The following NME7 variants were observed in gnomAD, a reference collection of about 807,000 sequenced individuals.
NME7 encodes nucleoside diphosphate kinase 7.
A neutral mutation model predicts 49.1 loss-of-function variants in NME7; 41 were observed. The observed-to-expected ratio is 0.83, with a 90% CI of 0.65 to 1.08. The LOEUF (loss-of-function observed/expected upper bound fraction) is 1.08. Among genes scored for constraint, NME7 ranks in the 50% least tolerant of loss-of-function variants. The pLI is 0.00. For synonymous variants in NME7, 139 were observed against 150.6 expected (o/e 0.92, Z 0.56); for missense variants, 423 against 463.4 (o/e 0.91, Z 0.80).
At chr1:169,210,574 C>T (rs1322919063) in intron 10 of NME7, among the ~76,000 whole-genome samples, 3 of 146,260 alleles carry the variant, frequency 2.1e-5, no homozygotes, top group Non-Finnish European at 3.0e-5. Flanking sequence ...TAGAACAAAT[C>T]ATTCATAATA....
chr1:169,363,581 A>T (rs1025038999), intron 1 of NME7, among the ~76,000 whole-genome samples: 6 of 152,112 alleles, frequency 3.9e-5, no homozygotes, highest in Non-Finnish European at 8.8e-5. Flanking sequence ...ACCACATTTC[A>T]TGGTATTTTG....
At chr1:169,175,113 T>C (rs780441235) in intron 10 of NME7, among the ~76,000 whole-genome samples, 9 of 152,138 alleles carry the variant, frequency 5.9e-5, no homozygotes, top group Admixed American at 2.6e-4. Context: ...ATAAGCTTTT[T>C]CTATTTTTTA....
intron 10 of NME7, among the ~76,000 whole-genome samples, chr1:169,217,965 C>G (rs1285305315): frequency 6.6e-6 from 1 of 152,114 alleles, no homozygotes; most frequent in African/African-American, 2.4e-5. Flanking sequence ...CCCACACCAC[C>G]ACCACCCAAA....
At chr1:169,235,743 G>A (rs773420132) in intron 8 of NME7, among the ~76,000 whole-genome samples, 1 of 151,966 alleles carries the variant, frequency 6.6e-6, no homozygotes, top group Non-Finnish European at 1.5e-5. Context: ...CCAAGCATTC[G>A]GAAAAATCCC....
In NME7 at chr1:169,299,870, A is replaced by T. The variant is rs190604585; in HGVS notation, c.441-1107T>A. 5.3e-5 allele frequency among the ~76,000 whole-genome samples: 8 copies of T among 152,238 alleles called. No homozygotes were observed. In the East Asian group the frequency reaches 1.2e-3, roughly 22 times the overall value. On this transcript the variant is annotated intron_variant, in intron 5 of 11. Coordinates refer to ENST00000367811, the MANE Select transcript of NME7 (RefSeq NM_013330.5). ...ACCCCCAAGACCAACCACTAGATTT[A>T]AAAAAACCCAAATCAAAGGAGCAAA...
chr1:169,280,436 G>A (rs1649958938), intron 7 of NME7, among the ~76,000 whole-genome samples: 1 of 151,796 alleles, frequency 6.6e-6, no homozygotes, highest in Admixed American at 6.6e-5. Flanking sequence ...AGTTTCTTTT[G>A]CTGTGCAGAA....
At chr1:169,356,779 C>T (rs1022904679) in intron 1 of NME7, among the ~76,000 whole-genome samples, 1 of 152,148 alleles carries the variant, frequency 6.6e-6, no homozygotes, top group Non-Finnish European at 1.5e-5. Flanking sequence ...GAGTTTCCTA[C>T]TTCATTTCCA....
Position 169,272,765 on chromosome 1 carries a change from T to C in NME7, c.754+14538A>G, listed in dbSNP as rs1165534242. On this transcript the variant is annotated intron_variant, in intron 7 of 11. Transcript: ENST00000367811. ...GTGCTGCAATGAACATACACGTGCA[T>C]GTATTTTTATAATAGAACGATTTAC... is the stretch of plus-strand genomic sequence containing the variant. Among the ~76,000 whole-genome samples the C allele has an allele frequency of 2.3e-5, 3 of 132,100 alleles. 1 individual carries two copies. The highest frequency in any genetic ancestry group is 7.5e-5 in the Admixed American group (1 of 13,344). 86.7% of individuals were successfully genotyped at this position (132,100 alleles called of 152,430 possible).
intron 1 of NME7, among the ~76,000 whole-genome samples, chr1:169,332,125 T>C (rs1028100792): frequency 2.0e-5 from 3 of 151,944 alleles, no homozygotes; most frequent in Admixed American, 6.6e-5. Flanking sequence ...AACAGACACA[T>C]AGACCAATGG....
At chr1:169,288,734 A>G (rs1337985309) in intron 6 of NME7, among the ~76,000 whole-genome samples, 1 of 152,168 alleles carries the variant, frequency 6.6e-6, no homozygotes, top group African/African-American at 2.4e-5. Flanking sequence ...CTGCCTTTCT[A>G]TCATATTGCT....
chr1:169,335,132 T>C (rs1484765579), intron 1 of NME7, among the ~76,000 whole-genome samples: 1 of 152,220 alleles, frequency 6.6e-6, no homozygotes, highest in Non-Finnish European at 1.5e-5. Flanking sequence ...AGTTCAGCCA[T>C]TGTGGAAGAC....
chr1:169,223,668 C>G (rs943773940), intron 10 of NME7, among the ~76,000 whole-genome samples: 2 of 152,048 alleles, frequency 1.3e-5, no homozygotes, highest in South Asian at 4.1e-4. Context: ...TGCCATTTCA[C>G]TTCTCTGAGG....
rs142055809 is a variant in NME7, at chr1:169,325,297, C to T, written c.4-797G>A. 4.6e-3 allele frequency among the ~76,000 whole-genome samples: 707 copies of T among 152,148 alleles called. 6 individuals carry two copies. Among genetic ancestry groups the T allele is most frequent in the Admixed American group, 7.7e-3 (118 of 15,290 alleles). On this transcript the variant is annotated intron_variant, in intron 1 of 11. Coordinates refer to ENST00000367811, the MANE Select transcript of NME7 (RefSeq NM_013330.5). ...GTGACTCCCAAGGACAGGGAGGGGC[C>T]AGCTTTAGTATCCCTGCTCCTCTCA...
At chr1:169,169,959 C>A (rs1347373028) in intron 10 of NME7, among the ~76,000 whole-genome samples, 1 of 151,944 alleles carries the variant, frequency 6.6e-6, no homozygotes, top group Non-Finnish European at 1.5e-5. Context: ...TCACAAATAG[C>A]CCTGAATTTA....
At chr1:169,224,770 G>A (rs1322495568) in intron 10 of NME7, among the ~76,000 whole-genome samples, 1 of 151,956 alleles carries the variant, frequency 6.6e-6, no homozygotes, top group Non-Finnish European at 1.5e-5. Flanking sequence ...TTCCACATTC[G>A]AGGTACTCTG....
intron 6 of NME7, among the ~76,000 whole-genome samples, chr1:169,289,740 T>C (rs1242906806): frequency 6.6e-6 from 1 of 152,146 alleles, no homozygotes; most frequent in East Asian, 1.9e-4. Flanking sequence ...TCAAGTACCA[T>C]ATTTACCTAT....
rs1198075936 is a variant in NME7, at chr1:169,262,652, A to T, written c.754+24651T>A. ...GCACCAGTCTGTCGGGGCTCAGTGC[A>T]GAGCCAGGAAAACCTCTTCAACACG... On this transcript the variant is annotated intron_variant, in intron 7 of 11. Transcript: ENST00000367811. 1.5e-5 allele frequency among the ~76,000 whole-genome samples: 2 copies of T among 133,332 alleles called. 1 individual carries two copies. The highest frequency in any genetic ancestry group is 3.5e-5 in the Non-Finnish European group (2 of 56,688). The allele number at this position is 133,332 out of a possible 152,430, so 87.5% of individuals were successfully genotyped here.
chr1:169,232,912 CTTTTT>C (rs10545228), intron 9 of NME7, among the ~76,000 whole-genome samples: 2 of 74,524 alleles, frequency 2.7e-5, no homozygotes, highest in Non-Finnish European at 5.0e-5. Context: ...GTTTTCTTTT[CTTTTT>C]TTTTTTTTTT....
chr1:169,206,500 AG>A (rs1660678956), intron 10 of NME7, among the ~76,000 whole-genome samples: 1 of 152,102 alleles, frequency 6.6e-6, no homozygotes, highest in Non-Finnish European at 1.5e-5. Flanking sequence ...CTTCAACTCC[AG>A]GGATTCTTAT....
Sources: gnomAD v4.1 joint callset for allele counts (sites outside exome capture counted in the v4.1 genomes callset) on GRCh38, gnomAD v4.1.1 for gene constraint, MANE v1.5 for transcripts, NCBI Gene and HGNC (gene_info 2026-07-23, HGNC 2026-07-21) for gene names.